Variants in RYR2 observed in about 807,000 individuals in gnomAD.
RYR2 encodes ryanodine receptor 2.
A neutral mutation model predicts 601.1 loss-of-function variants in RYR2; 227 were observed. The observed-to-expected ratio is 0.38, with a 90% CI of 0.34 to 0.42. The LOEUF (loss-of-function observed/expected upper bound fraction) is 0.42. RYR2 is among the 10% of genes least tolerant of loss of function. RYR2 has a pLI of 1.00. For missense variants in RYR2, 4,646 were observed against 6,156.5 expected (o/e 0.75, Z 8.21); for synonymous variants, 2,223 against 2,175.1 (o/e 1.02, Z -0.61).
chr1:237,395,440 C>T (rs970574549), intron 10 of RYR2, among the ~76,000 whole-genome samples: 4 of 150,880 alleles, frequency 2.7e-5, no homozygotes, highest in African/African-American at 9.7e-5. Context: ...AACTATTTTT[C>T]AGACGATTCC....
intron 96 of RYR2, among the ~76,000 whole-genome samples, chr1:237,797,444 A>AGTT (rs1300899774): frequency 6.6e-6 from 1 of 152,104 alleles, no homozygotes; most frequent in African/African-American, 2.4e-5. Flanking sequence ...GTGGCCAGAG[A>AGTT]GTTGAAGGGT....
At chr1:237,438,083 C>T (rs903637946) in intron 12 of RYR2, among the ~76,000 whole-genome samples, 1 of 152,062 alleles carries the variant, frequency 6.6e-6, no homozygotes, top group African/African-American at 2.4e-5. Context: ...CTTTTTTATA[C>T]AATTCCAATC....
chr1:237,464,199 C>A (rs1659802318), intron 16 of RYR2, among the ~76,000 whole-genome samples: 3 of 152,128 alleles, frequency 2.0e-5, no homozygotes, highest in African/African-American at 7.2e-5. Context: ...GGTTCATGGA[C>A]TAAGATAGTC....
intron 1 of RYR2, among the ~76,000 whole-genome samples, chr1:237,245,717 T>G (rs1686746440): frequency 6.6e-6 from 1 of 152,198 alleles, no homozygotes; most frequent in African/African-American, 2.4e-5. Flanking sequence ...AACATTTTCT[T>G]TAATTCTAGA....
At chr1:237,472,522 G>A (rs1355694390) in intron 17 of RYR2, among the ~76,000 whole-genome samples, 1 of 152,156 alleles carries the variant, frequency 6.6e-6, no homozygotes, top group African/African-American at 2.4e-5. Context: ...TGGAAATGAA[G>A]TGATGAATCA....
intron 23 of RYR2, among the ~76,000 whole-genome samples, chr1:237,510,233 CAGG>C (rs1431251620): frequency 1.3e-5 from 2 of 152,220 alleles, no homozygotes; most frequent in East Asian, 3.9e-4. Context: ...GACGTGATTA[CAGG>C]AGATGTTTTG....
chr1:237,100,302 C>CTTGAAGATCACCATG (rs1196532851), intron 1 of RYR2, among the ~76,000 whole-genome samples: 4 of 152,162 alleles, frequency 2.6e-5, no homozygotes, highest in Non-Finnish European at 5.9e-5. Context: ...CAAGGAGTTC[C>CTTGAAGATCACCATG]TGATCTGGGA....
At chr1:237,077,694 A>G (rs1296249766) in intron 1 of RYR2, among the ~76,000 whole-genome samples, 2 of 150,634 alleles carry the variant, frequency 1.3e-5, no homozygotes, top group African/African-American at 4.8e-5. Context: ...TTAACACCCC[A>G]CTGTCAACAT....
chr1:237,650,195 C>T lies in RYR2; in HGVS notation c.7733+98C>T, dbSNP rs1221589444. On this transcript the variant is annotated intron_variant, in intron 50 of 104. Transcript: ENST00000366574. ...TATTTAGAATTTTGGAAACATTTTC[C>T]ATACCACAAATTTAATTCATTTTAG... The T allele has an allele frequency of 2.6e-6, 3 of 1,133,566 alleles. No individual in the cohort carries two copies. The African/African-American group carries it at 4.7e-5, about 18-fold the overall frequency. 70.2% of individuals were successfully genotyped at this position (1,133,566 alleles called of 1,614,324 possible).
chr1:237,313,861 C>T (rs1694819221), intron 2 of RYR2, among the ~76,000 whole-genome samples: 1 of 150,826 alleles, frequency 6.6e-6, no homozygotes, highest in Admixed American at 6.6e-5. Flanking sequence ...TATTTATTTA[C>T]TCACTCACTC....
At chr1:237,710,248 T>C (rs1429929974) in intron 70 of RYR2, among the ~76,000 whole-genome samples, 1 of 152,184 alleles carries the variant, frequency 6.6e-6, no homozygotes, top group Non-Finnish European at 1.5e-5. Flanking sequence ...TGAATTATTT[T>C]AAAAATTTAG....
At chr1:237,732,909 C>T (rs1690814072) in intron 78 of RYR2, among the ~76,000 whole-genome samples, 1 of 152,200 alleles carries the variant, frequency 6.6e-6, no homozygotes, top group Non-Finnish European at 1.5e-5. Flanking sequence ...TAATTAAAAA[C>T]TCATATCCAC....
intron 2 of RYR2, among the ~76,000 whole-genome samples, chr1:237,326,546 C>T (rs1250007151): frequency 2.6e-5 from 4 of 152,168 alleles, no homozygotes; most frequent in Non-Finnish European, 5.9e-5. Flanking sequence ...ACATGCTCAA[C>T]TGCAGTTTTT....
At chr1:237,594,690 T>C (rs577520183) in intron 33 of RYR2, among the ~76,000 whole-genome samples, 203 of 152,060 alleles carry the variant, frequency 1.3e-3, no homozygotes, top group African/African-American at 4.6e-3. Context: ...AAAACTGATT[T>C]ATCCCAGCCT....
intron 80 of RYR2, among the ~76,000 whole-genome samples, chr1:237,755,948 T>C (rs759047090): frequency 2.6e-5 from 4 of 152,172 alleles, no homozygotes; most frequent in Non-Finnish European, 4.4e-5. Context: ...GACAAACTTA[T>C]GCACAAATGT....
At chr1:237,130,512 G>T (rs984968198) in intron 1 of RYR2, among the ~76,000 whole-genome samples, 2 of 152,090 alleles carry the variant, frequency 1.3e-5, no homozygotes, top group African/African-American at 4.8e-5. Flanking sequence ...AGGAGTTCGA[G>T]ACCAGCCTGA....
At chr1:237,824,310 C>T (rs1662853797) in intron 101 of RYR2, among the ~76,000 whole-genome samples, 2 of 152,054 alleles carry the variant, frequency 1.3e-5, no homozygotes, top group Non-Finnish European at 2.9e-5. Context: ...CCAGCAGCAC[C>T]TCGAAAAGCT....
At chr1:237,533,766 T>C (rs1294278798) in intron 25 of RYR2, among the ~76,000 whole-genome samples, 1 of 152,120 alleles carries the variant, frequency 6.6e-6, no homozygotes, top group Non-Finnish European at 1.5e-5. Context: ...AAATTATAAT[T>C]CTAGATAGTA....
chr1:237,288,454 G>A (rs1432478563), intron 2 of RYR2, among the ~76,000 whole-genome samples: 1 of 151,714 alleles, frequency 6.6e-6, no homozygotes, highest in African/African-American at 2.4e-5. Context: ...AGGCACGTTT[G>A]AGCTCAGACT....
Sources: gnomAD v4.1 joint callset for allele counts (sites outside exome capture counted in the v4.1 genomes callset) on GRCh38, gnomAD v4.1.1 for gene constraint, MANE v1.5 for transcripts, NCBI Gene and HGNC (gene_info 2026-07-23, HGNC 2026-07-21) for gene names.